USP7: variants seen among roughly 807,000 people sequenced by gnomAD.
USP7 encodes the protein ubiquitin specific peptidase 7.
Under a neutral mutation model 162.9 loss-of-function variants are expected in USP7, and 9 were observed. The ratio of observed to expected loss-of-function variants is 0.06; its 90% CI spans 0.03 to 0.10. The LOEUF (loss-of-function observed/expected upper bound fraction) is 0.10. Ranked by LOEUF, USP7 falls within the 10% of genes least tolerant of loss-of-function variation. The probability of loss-of-function intolerance (pLI) is 1.00; values close to 1 mark genes in which losing one functional copy is unlikely to be tolerated. For missense variants in USP7, 715 were observed against 1,373.7 expected (o/e 0.52, Z 7.58); for synonymous variants, 562 against 475.9 (o/e 1.18, Z -2.35).
intron 1 of USP7, among the ~76,000 whole-genome samples, chr16:8,962,046 G>A (rs566539267): frequency 2.0e-5 from 3 of 152,268 alleles, no homozygotes; most frequent in Non-Finnish European, 4.4e-5. Flanking sequence ...TCTATTCAGA[G>A]GTGAACACCA....
intron 1 of USP7, among the ~76,000 whole-genome samples, chr16:8,949,262 T>A (rs1899439998): frequency 6.6e-6 from 1 of 152,184 alleles, no homozygotes; most frequent in Non-Finnish European, 1.5e-5. Context: ...CCAAACCAGG[T>A]AAAATTAAGG....
chr16:8,912,769 A>G (rs944808924), intron 10 of USP7, among the ~76,000 whole-genome samples: 10 of 152,096 alleles, frequency 6.6e-5, no homozygotes, highest in Non-Finnish European at 1.2e-4. Context: ...AAATAATTAT[A>G]ATTAATTGAT....
chr16:8,920,381 C>T lies in USP7; in HGVS notation c.589G>A (p.Ala197Thr). 1 of 1,613,152 alleles carries T rather than the reference C, an allele frequency of 6.2e-7. No homozygotes were observed. Among genetic ancestry groups the T allele is most frequent in the Non-Finnish European group, 8.5e-7 (1 of 1,179,762 alleles). The stretch of plus-strand genomic sequence containing the variant: ...TACGCAACTCCATGGGGAGCATCCG[C>T]CTGTACAAAGACTTCAAAGGTAACT... ...DKVTFEVFVQ[A>T]DAPHGVAWDS... is the part of the protein sequence containing the mutation. Residue 197 changes from alanine to threonine, a missense_variant, in exon 5 of 31, where the codon GCG becomes ACG. By Grantham distance (58) the Ala-to-Thr change is moderately conservative (BLOSUM62 0). Coordinates refer to ENST00000344836, the MANE Select transcript of USP7 (RefSeq NM_003470.3).
At chr16:8,956,881 C>T (rs564113551) in intron 1 of USP7, among the ~76,000 whole-genome samples, 34 of 152,284 alleles carry the variant, frequency 2.2e-4, no homozygotes, top group Middle Eastern at 6.8e-3. Flanking sequence ...GGACTCCCAG[C>T]GCAGCCTCAG....
intron 26 of USP7, 98 bp from the exon 27 acceptor site, chr16:8,895,839 GTT>G (rs34586799): frequency 0.46 from 244,328 of 534,732 alleles, 27,722 homozygotes; most frequent in African/African-American, 0.55. Context: ...ACCACGATAT[GTT>G]TTTTTTTTTT....
At chr16:8,895,840 T>C (rs2061672929) in intron 26 of USP7, 99 bp from the exon 27 acceptor site, 1 of 20,262 alleles carries the variant, frequency 4.9e-5, no homozygotes, top group Non-Finnish European at 7.8e-5. Context: ...CCACGATATG[T>C]TTTTTTTTTT....
intron 1 of USP7, among the ~76,000 whole-genome samples, chr16:8,960,041 A>G (rs1899950424): frequency 1.3e-5 from 2 of 152,240 alleles, no homozygotes; most frequent in South Asian, 2.1e-4. Flanking sequence ...TGTTGATTCA[A>G]TAGCGTCTAC....
chr16:8,920,105 C>G (rs142069320), intron 5 of USP7, among the ~76,000 whole-genome samples: 1 of 152,298 alleles, frequency 6.6e-6, no homozygotes, highest in Non-Finnish European at 1.5e-5. Context: ...AGTGTACATT[C>G]TTTAGGAACA....
chr16:8,914,626 G>T (rs1360451648), intron 10 of USP7, among the ~76,000 whole-genome samples: 1 of 152,142 alleles, frequency 6.6e-6, no homozygotes, highest in Non-Finnish European at 1.5e-5. Context: ...TGGGCAAAAG[G>T]AATCAGACAC....
chr16:8,952,524 C>T (rs573124697), intron 1 of USP7, among the ~76,000 whole-genome samples: 1 of 152,164 alleles, frequency 6.6e-6, no homozygotes, highest in Non-Finnish European at 1.5e-5. Context: ...CTAGAGCCAC[C>T]CCATTCCTGG....
chr16:8,934,385 G>C (rs1898556437), intron 1 of USP7, among the ~76,000 whole-genome samples: 1 of 152,198 alleles, frequency 6.6e-6, no homozygotes, highest in Non-Finnish European at 1.5e-5. Context: ...GGTGACTTGA[G>C]AGAGACTGCA....
chr16:8,922,118 T>C (rs1310270424), intron 3 of USP7, among the ~76,000 whole-genome samples: 1 of 152,182 alleles, frequency 6.6e-6, no homozygotes, highest in Non-Finnish European at 1.5e-5. Context: ...GATCACATCA[T>C]AATGTGAACA....
chr16:8,918,943 G>A (rs952834886), intron 6 of USP7, 88 bp downstream of exon 6: 62 of 1,316,196 alleles, frequency 4.7e-5, no homozygotes, highest in Non-Finnish European at 6.3e-5. Context: ...GGAGGGAGAC[G>A]CCATGTTTGT....
chr16:8,937,864 T>G (rs557855327), intron 1 of USP7, among the ~76,000 whole-genome samples: 1 of 152,134 alleles, frequency 6.6e-6, no homozygotes, highest in African/African-American at 2.4e-5. Context: ...AGGAGACCTG[T>G]AGCCAGTCTG....
At chr16:8,933,513 C>G (rs1339158989) in intron 1 of USP7, among the ~76,000 whole-genome samples, 1 of 152,130 alleles carries the variant, frequency 6.6e-6, no homozygotes, top group Non-Finnish European at 1.5e-5. Context: ...AAGATGTCTA[C>G]AGAAACAGCA....
chr16:8,934,446 G>A (rs946310347), intron 1 of USP7, among the ~76,000 whole-genome samples: 8 of 152,222 alleles, frequency 5.3e-5, no homozygotes, highest in Non-Finnish European at 8.8e-5. Flanking sequence ...ATTCAAGAGC[G>A]CATAACATCT....
intron 1 of USP7, among the ~76,000 whole-genome samples, chr16:8,957,074 C>G (rs767501240): frequency 7.9e-5 from 12 of 152,214 alleles, no homozygotes; most frequent in Non-Finnish European, 1.5e-4. Flanking sequence ...TTTCCCCATA[C>G]AAGAAACGTA....
chr16:8,901,539 G>C (rs2061774442), intron 18 of USP7, among the ~76,000 whole-genome samples: 1 of 152,184 alleles, frequency 6.6e-6, no homozygotes, highest in African/African-American at 2.4e-5. Flanking sequence ...GGACTGACTG[G>C]CTGGAAGAGC....
At chr16:8,921,371 A>G (rs1897681136) in intron 3 of USP7, 76 bp from the exon 4 acceptor site, 3 of 1,511,548 alleles carry the variant, frequency 2.0e-6, no homozygotes, top group East Asian at 4.6e-5. Context: ...CAGTAAACAT[A>G]GCACACCAAA....
Sources: gnomAD v4.1 joint callset for allele counts (sites outside exome capture counted in the v4.1 genomes callset) on GRCh38, gnomAD v4.1.1 for gene constraint, MANE v1.5 for transcripts, NCBI Gene and HGNC (gene_info 2026-07-23, HGNC 2026-07-21) for gene names.